Variants in KITLG observed in about 807,000 individuals in gnomAD.
KITLG encodes KIT ligand, also known as c-Kit ligand.
KITLG carries 13 observed loss-of-function variants against 34.1 expected under a neutral mutation model. The ratio of observed to expected loss-of-function variants is 0.38; its 90% CI spans 0.25 to 0.61. The LOEUF is 0.61. Among genes scored for constraint, KITLG ranks in the 20% least tolerant of loss-of-function variants. The pLI is 0.60. For synonymous variants in KITLG, 110 were observed against 104.0 expected, an observed-to-expected ratio of 1.06 and a Z score of -0.35; for missense variants, 292 against 318.9, an observed-to-expected ratio of 0.92 and a Z score of 0.64.
Position 88,560,830 on chromosome 12 carries a change from T to C in KITLG, c.16-14965A>G, listed in dbSNP as rs1463313660. Among the ~76,000 whole-genome samples the C allele has an allele frequency of 2.6e-5, 4 of 151,576 alleles. No homozygotes were observed. In the East Asian group the frequency reaches 7.8e-4, roughly 29 times the overall value. The stretch of plus-strand genomic sequence containing the variant: ...TAAAAATAAAAAAATTAGCCGGGCA[T>C]GGTGGCATGCGCCTGTAGTCCCAGC... On this transcript the variant is annotated intron_variant, in intron 1 of 9. Transcript: ENST00000644744.
chr12:88,518,681 A>T lies in KITLG; in HGVS notation c.363+16T>A, dbSNP rs12721561. On this transcript the variant is annotated intron_variant, in intron 4 of 9. Transcript: ENST00000644744. ...AGAAGCGTAATGAAAAATAATCCCA[A>T]TGAACACAAAGTTACCTTAGATGAG... 8,525 of 1,605,294 alleles carry T rather than the reference A, an allele frequency of 5.3e-3. 386 individuals carry two copies. In the African/African-American group the frequency reaches 0.098, roughly 18 times the overall value.
intron 3 of KITLG, among the ~76,000 whole-genome samples, chr12:88,531,895 C>A (rs141480256): frequency 6.6e-6 from 1 of 151,892 alleles, no homozygotes; most frequent in African/African-American, 2.4e-5. Flanking sequence ...CAGAGCATAA[C>A]AATGATTTAT....
chr12:88,578,244 G>T (rs1200979791), intron 1 of KITLG, among the ~76,000 whole-genome samples: 1 of 151,864 alleles, frequency 6.6e-6, no homozygotes, highest in Non-Finnish European at 1.5e-5. Flanking sequence ...CTGTGGAATC[G>T]CTAGAAGTAT....
rs909973032 is a variant in KITLG at position 88,539,913 on chromosome 12, C to T, written c.129+5839G>A. 4.6e-5 allele frequency among the ~76,000 whole-genome samples: 7 copies of T among 151,836 alleles called. No individual in the cohort carries two copies. In the East Asian group the frequency reaches 1.2e-3, roughly 25 times the overall value. ...GTACCCCAGACTGGGTGATAGACACCCTGTCTCAAAAAAAAATTAAGATGA... is the reference window on the plus strand; with the variant it reads ...GTACCCCAGACTGGGTGATAGACACTCTGTCTCAAAAAAAAATTAAGATGA... On this transcript the variant is annotated intron_variant, in intron 2 of 9. Coordinates refer to ENST00000644744, the MANE Select transcript of KITLG (RefSeq NM_000899.5).
At chr12:88,579,306 G>T (rs1209113273) in intron 1 of KITLG, among the ~76,000 whole-genome samples, 1 of 152,098 alleles carries the variant, frequency 6.6e-6, no homozygotes, top group African/African-American at 2.4e-5. Context: ...CCTCTGGGGG[G>T]TGAAAGGGCA....
At chr12:88,561,287 T>C (rs905222849) in intron 1 of KITLG, among the ~76,000 whole-genome samples, 15 of 152,218 alleles carry the variant, frequency 9.9e-5, no homozygotes, top group Non-Finnish European at 2.1e-4. Context: ...ATGTTTGCTA[T>C]GGCTATTGTC....
chr12:88,512,794 A>G (rs147755257), intron 6 of KITLG, among the ~76,000 whole-genome samples: 22 of 152,042 alleles, frequency 1.4e-4, no homozygotes, highest in African/African-American at 4.1e-4. Context: ...AATATCTAGT[A>G]AAAAGTACCT....
chr12:88,520,359 C>A (rs1042084952), intron 3 of KITLG, among the ~76,000 whole-genome samples: 2 of 152,152 alleles, frequency 1.3e-5, no homozygotes, highest in Non-Finnish European at 2.9e-5. Flanking sequence ...AGTGATAATT[C>A]CTTATAGACC....
At chr12:88,506,287 C>T (rs1234345112) in intron 8 of KITLG, 24 bp downstream of exon 8, 2 of 1,509,688 alleles carry the variant, frequency 1.3e-6, no homozygotes, top group South Asian at 2.2e-5. Context: ...CTTGATTGGG[C>T]ACACATTTAG....
At chr12:88,548,610 C>A (rs1369138829) in intron 1 of KITLG, among the ~76,000 whole-genome samples, 1 of 152,114 alleles carries the variant, frequency 6.6e-6, no homozygotes, top group African/African-American at 2.4e-5. Flanking sequence ...TCTGCTTATA[C>A]CTTGCTAGCT....
rs1430106422 is a variant in KITLG, at chr12:88,545,827, T to C, written c.54A>G (p.Leu18=). Residue 18 remains leucine (L), a synonymous_variant, in exon 2 of 10, where the codon CTA becomes CTG. Coordinates refer to ENST00000644744, the MANE Select transcript of KITLG (RefSeq NM_000899.5). ...CTTCAGTTTTGACGAGAGGATTAAATAGGAGCAGCTGAAGATAAATGCAAG... is the reference window on the plus strand; with the variant it reads ...CTTCAGTTTTGACGAGAGGATTAAACAGGAGCAGCTGAAGATAAATGCAAG... ...ILTCIYLQLL[L]FNPLVKTEGI... is the part of the protein sequence containing the mutation. 1 of 1,612,682 alleles carries C rather than the reference T, an allele frequency of 6.2e-7. No homozygotes were observed. The highest frequency in any genetic ancestry group is 8.5e-7 in the Non-Finnish European group (1 of 1,178,840).
intron 6 of KITLG, among the ~76,000 whole-genome samples, chr12:88,515,239 G>T (rs1035646883): frequency 6.6e-6 from 1 of 151,596 alleles, no homozygotes; most frequent in African/African-American, 2.4e-5. Context: ...ATTCCACACA[G>T]AATATATGTT....
chr12:88,512,735 G>A (rs1869322213), intron 6 of KITLG, among the ~76,000 whole-genome samples: 1 of 151,158 alleles, frequency 6.6e-6, no homozygotes, highest in Non-Finnish European at 1.5e-5. Flanking sequence ...ATACTATAGT[G>A]ATATTTTTAA....
intron 6 of KITLG, among the ~76,000 whole-genome samples, chr12:88,508,092 C>A (rs1189197759): frequency 1.3e-5 from 2 of 151,738 alleles, no homozygotes; most frequent in Non-Finnish European, 2.9e-5. Context: ...GAGGCTGAGG[C>A]AGGAGAATCG....
intron 1 of KITLG, among the ~76,000 whole-genome samples, chr12:88,573,937 T>C (rs1871740726): frequency 6.6e-6 from 1 of 152,198 alleles, no homozygotes; most frequent in African/African-American, 2.4e-5. Context: ...GCTACCTTAT[T>C]GCCCCGCTCC....
chr12:88,524,965 T>C (rs1393811823), intron 3 of KITLG, among the ~76,000 whole-genome samples: 2 of 152,114 alleles, frequency 1.3e-5, no homozygotes, highest in Non-Finnish European at 2.9e-5. Flanking sequence ...ACGGTGAACT[T>C]TCCCTGTAGC....
chr12:88,516,190 C>A (rs1869447945), intron 5 of KITLG, 144 bp downstream of exon 5: 5 of 713,438 alleles, frequency 7.0e-6, no homozygotes, highest in South Asian at 3.2e-5. Flanking sequence ...TCATTAGTTT[C>A]TTCTGTGCTA....
At chr12:88,540,756 T>C (rs1205072474) in intron 2 of KITLG, among the ~76,000 whole-genome samples, 1 of 152,180 alleles carries the variant, frequency 6.6e-6, no homozygotes, top group Non-Finnish European at 1.5e-5. Context: ...TATAGCAATC[T>C]ATCTAGAGTT....
chr12:88,538,589 A>G (rs1009630116), intron 2 of KITLG, among the ~76,000 whole-genome samples: 11 of 152,116 alleles, frequency 7.2e-5, no homozygotes, highest in Non-Finnish European at 1.5e-4. Context: ...ACAAAAGATT[A>G]GAAGACCACT....
Sources: allele counts gnomAD v4.1 joint callset (sites outside exome capture counted in the v4.1 genomes callset), GRCh38; gene constraint gnomAD v4.1.1; transcripts MANE v1.5; gene names NCBI Gene and HGNC (gene_info 2026-07-23, HGNC 2026-07-21).